XKR4: variants seen among roughly 807,000 people sequenced by gnomAD.
XKR4 encodes the protein XK related 4.
In XKR4, 12 loss-of-function variants were observed where a neutral mutation model predicts 53.9. The observed-to-expected ratio is 0.22, with a 90% CI of 0.14 to 0.36. XKR4 has a LOEUF of 0.36. Among genes scored for constraint, XKR4 ranks in the 10% least tolerant of loss-of-function variants. The pLI is 1.00. For missense variants in XKR4, 799 were observed against 859.5 expected, an observed-to-expected ratio of 0.93 and a Z score of 0.88; for synonymous variants, 354 against 362.4, an observed-to-expected ratio of 0.98 and a Z score of 0.26.
chr8:55,206,866 G>T (rs1289149802), intron 1 of XKR4, among the ~76,000 whole-genome samples: 1 of 152,214 alleles, frequency 6.6e-6, no homozygotes. Flanking sequence ...TACTAAAGAT[G>T]CCAAGGCTTA....
chr8:55,292,501 C>A (rs1819044357), intron 1 of XKR4, among the ~76,000 whole-genome samples: 1 of 152,046 alleles, frequency 6.6e-6, no homozygotes, highest in African/African-American at 2.4e-5. Flanking sequence ...GTCATGTCAC[C>A]TGTTTCATTC....
chr8:55,462,583 C>T (rs1805679555), intron 2 of XKR4, among the ~76,000 whole-genome samples: 1 of 152,102 alleles, frequency 6.6e-6, no homozygotes, highest in African/African-American at 2.4e-5. Flanking sequence ...GCAAAATAAC[C>T]AGCTAACATC....
At chr8:55,176,111 A>G (rs959494947) in intron 1 of XKR4, among the ~76,000 whole-genome samples, 1 of 152,244 alleles carries the variant, frequency 6.6e-6, no homozygotes, top group Admixed American at 6.5e-5. Flanking sequence ...ATAGATACGC[A>G]GGTGACCTGT....
intron 2 of XKR4, among the ~76,000 whole-genome samples, chr8:55,462,251 G>A (rs2129398198): frequency 6.6e-6 from 1 of 152,358 alleles, no homozygotes; most frequent in East Asian, 1.9e-4. Flanking sequence ...ACAAAGGGAA[G>A]CCCATCAGAC....
rs139625972 is a variant in XKR4, at chr8:55,346,332, T to A, written c.807-11346T>A. ...AACTCCTGACCTCAAGTGATCCACCTGCCATGGCCTCCCAAATTGCTGGGA... is the reference window on the plus strand; with the variant it reads ...AACTCCTGACCTCAAGTGATCCACCAGCCATGGCCTCCCAAATTGCTGGGA... On this transcript the variant is annotated intron_variant, in intron 1 of 2. Coordinates refer to ENST00000327381, the MANE Select transcript of XKR4 (RefSeq NM_052898.2). 8.9e-3 allele frequency among the ~76,000 whole-genome samples: 1,353 copies of A among 152,256 alleles called. 7 individuals carry two copies. The highest frequency in any genetic ancestry group is 0.027 in the Middle Eastern group (8 of 294).
chr8:55,453,620 T>C, intron 2 of XKR4: 1 of 417,964 alleles, frequency 2.4e-6, no homozygotes, highest in African/African-American at 2.1e-5. Context: ...CATCTTGGCC[T>C]CAGCCTGGTC....
chr8:55,494,920 G>A (rs1806320185), intron 2 of XKR4, among the ~76,000 whole-genome samples: 1 of 152,168 alleles, frequency 6.6e-6, no homozygotes, highest in South Asian at 2.1e-4. Flanking sequence ...CCAGCTGGAA[G>A]GTGGGGCATC....
chr8:55,479,640 G>A (rs1001182799), intron 2 of XKR4, among the ~76,000 whole-genome samples: 3 of 151,934 alleles, frequency 2.0e-5, no homozygotes, highest in African/African-American at 4.8e-5. Flanking sequence ...CAACAAAATC[G>A]ATAGACCACT....
At chr8:55,418,824 C>T (rs187733357) in intron 2 of XKR4, among the ~76,000 whole-genome samples, 188 of 152,222 alleles carry the variant, frequency 1.2e-3, no homozygotes, top group African/African-American at 4.3e-3. Context: ...GCTTGAAAGT[C>T]GCCTTCTCAT....
intron 2 of XKR4, among the ~76,000 whole-genome samples, chr8:55,401,474 G>A (rs554390409): frequency 3.3e-5 from 5 of 152,354 alleles, no homozygotes; most frequent in Admixed American, 6.5e-5. Flanking sequence ...TTTTCCAGCC[G>A]GTGGCTAGTG....
Position 55,242,383 on chromosome 8 carries a change from C to T in XKR4, c.807-115295C>T, listed in dbSNP as rs565735885. On this transcript the variant is annotated intron_variant, in intron 1 of 2. Coordinates refer to ENST00000327381, the MANE Select transcript of XKR4 (RefSeq NM_052898.2). The stretch of plus-strand genomic sequence containing the variant: ...CTCAGCTCCATCCCTGCCACATCAG[C>T]GTTTATCATCTTCCTGAGTCTCTGA... 2.6e-5 allele frequency among the ~76,000 whole-genome samples: 4 copies of T among 152,244 alleles called. 1 individual carries two copies. Among genetic ancestry groups the T allele is most frequent in the African/African-American group, 7.2e-5 (3 of 41,542 alleles).
chr8:55,380,486 A>G (rs1488681184), intron 2 of XKR4, among the ~76,000 whole-genome samples: 4 of 152,268 alleles, frequency 2.6e-5, no homozygotes, highest in African/African-American at 7.2e-5. Flanking sequence ...TTTGAGTTCC[A>G]TGACATCTTT....
intron 1 of XKR4, among the ~76,000 whole-genome samples, chr8:55,180,721 C>T (rs1489874850): frequency 2.0e-5 from 3 of 152,052 alleles, no homozygotes; most frequent in Admixed American, 1.3e-4. Context: ...TTAGTAGAGA[C>T]GGGGTTTCAC....
At chr8:55,513,644 A>G (rs1182492092) in intron 2 of XKR4, among the ~76,000 whole-genome samples, 1 of 152,068 alleles carries the variant, frequency 6.6e-6, no homozygotes, top group Non-Finnish European at 1.5e-5. Flanking sequence ...TCCATACTCC[A>G]CCTTGTGTAT....
chr8:55,420,052 A>C (rs1804902054), intron 2 of XKR4, among the ~76,000 whole-genome samples: 1 of 152,222 alleles, frequency 6.6e-6, no homozygotes, highest in South Asian at 2.1e-4. Flanking sequence ...TCAGTCAAGT[A>C]CTATGACAAA....
chr8:55,510,963 G>A (rs953118322), intron 2 of XKR4, among the ~76,000 whole-genome samples: 1 of 152,200 alleles, frequency 6.6e-6, no homozygotes, highest in African/African-American at 2.4e-5. Flanking sequence ...AACCATTAGA[G>A]CAGAGAATGC....
chr8:55,229,298 G>A (rs1817998753), intron 1 of XKR4, among the ~76,000 whole-genome samples: 1 of 152,226 alleles, frequency 6.6e-6, no homozygotes, highest in South Asian at 2.1e-4. Context: ...CAGGACCAGA[G>A]GTTGTGGAGC....
At chr8:55,191,640 T>C (rs1330918450) in intron 1 of XKR4, among the ~76,000 whole-genome samples, 1 of 152,026 alleles carries the variant, frequency 6.6e-6, no homozygotes, top group Non-Finnish European at 1.5e-5. Context: ...CGCTTCCATT[T>C]CCCAGTTTCT....
chr8:55,432,466 G>A (rs1300675041), intron 2 of XKR4, among the ~76,000 whole-genome samples: 1 of 152,180 alleles, frequency 6.6e-6, no homozygotes, highest in African/African-American at 2.4e-5. Flanking sequence ...CTCCCTGTAT[G>A]ATCCTTGCAT....
Sources: allele counts gnomAD v4.1 joint callset (sites outside exome capture counted in the v4.1 genomes callset), GRCh38; gene constraint gnomAD v4.1.1; transcripts MANE v1.5; gene names NCBI Gene and HGNC (gene_info 2026-07-23, HGNC 2026-07-21).